The following SYTL5 variants were observed in gnomAD, a reference collection of about 807,000 sequenced individuals.
SYTL5 encodes the protein synaptotagmin-like protein 5.
In SYTL5, 34 loss-of-function variants were observed where a neutral mutation model predicts 55.9. The observed-to-expected ratio is 0.61, with a 90% CI of 0.46 to 0.81. SYTL5 has a LOEUF of 0.81. Among genes scored for constraint, SYTL5 ranks in the 30% least tolerant of loss-of-function variants. SYTL5 has a pLI of 0.00. For missense variants in SYTL5, 637 were observed against 546.7 expected, an observed-to-expected ratio of 1.17 and a Z score of -1.65; for synonymous variants, 221 against 188.7, an observed-to-expected ratio of 1.17 and a Z score of -1.40.
the SYTL5 span, among the ~76,000 whole-genome samples, chrX:37,948,302 T>C: frequency 9.0e-6 from 1 of 110,609 alleles, no homozygotes; most frequent in Non-Finnish European, 1.9e-5. Flanking sequence ...TATTAGTTGT[T>C]CTAGAATTTA....
At chrX:38,072,308 G>C (rs1423672042) in intron 4 of SYTL5, 146 bp downstream of exon 4, 1 of 415,819 alleles carries the variant, frequency 2.4e-6, no homozygotes, top group Non-Finnish European at 4.1e-6. Context: ...ATGAAATCTA[G>C]ATACGTAATT....
At chrX:37,895,437 C>CTTCCTTCCTTCCTTCT in the SYTL5 span, among the ~76,000 whole-genome samples, 2 of 94,367 alleles carry the variant, frequency 2.1e-5, no homozygotes, top group African/African-American at 1.0e-4. Flanking sequence ...TCCTTCCTTC[C>CTTCCTTCCTTCCTTCT]TTCCTTCCTT....
chrX:37,986,405 T>TAGAAC, the SYTL5 span, among the ~76,000 whole-genome samples: 6 of 111,180 alleles, frequency 5.4e-5, no homozygotes, highest in Non-Finnish European at 1.1e-4. Context: ...TACCGGTAAT[T>TAGAAC]AGAACAGAAC....
rs191155923 is a variant in SYTL5, at chrX:38,015,321, A to G, written c.-357+8653A>G. Among the ~76,000 whole-genome samples, 20 of 112,540 alleles carry G rather than the reference A, an allele frequency of 1.8e-4. 1 individual carries two copies. The highest frequency in any genetic ancestry group is 1.6e-3 in the Admixed American group (17 of 10,627). On this transcript the variant is annotated intron_variant, in intron 1 of 16. Transcript: ENST00000297875. ...CATTTGATATCTGAGGAATCCCACC[A>G]TTTCACATGAAAAAGTGCATGTGAC...
chrX:38,103,236 G>A (rs1024816241), intron 10 of SYTL5: 1 of 417,194 alleles, frequency 2.4e-6, no homozygotes. Context: ...CTAAAAGATT[G>A]ATGAGATGAT....
At chrX:38,094,500 T>G in intron 8 of SYTL5, 76 bp downstream of exon 8, 1 of 1,035,901 alleles carries the variant, frequency 9.7e-7, no homozygotes, top group East Asian at 3.1e-5. Context: ...TGTGTGGTAT[T>G]AAGTGGATGT....
chrX:38,052,847 G>C (rs773981398), intron 2 of SYTL5, among the ~76,000 whole-genome samples: 1 of 111,393 alleles, frequency 9.0e-6, no homozygotes, highest in African/African-American at 3.3e-5. Context: ...GAAGAGATTG[G>C]CTCAGTAGCA....
chrX:37,985,774 G>A, the SYTL5 span, among the ~76,000 whole-genome samples: 1 of 111,457 alleles, frequency 9.0e-6, no homozygotes, highest in African/African-American at 3.3e-5. Flanking sequence ...TATTTAAAAT[G>A]TATTACAAAG....
At chrX:38,072,547 C>A (rs910320888) in intron 4 of SYTL5, among the ~76,000 whole-genome samples, 1 of 112,068 alleles carries the variant, frequency 8.9e-6, no homozygotes, top group Non-Finnish European at 1.9e-5. Context: ...TTCCGATTTC[C>A]TTTCAATGTT....
intron 1 of SYTL5, among the ~76,000 whole-genome samples, chrX:38,028,116 G>A (rs746598020): frequency 2.4e-4 from 27 of 111,620 alleles, no homozygotes; most frequent in African/African-American, 7.8e-4. Context: ...GAGCCACTGC[G>A]CCCAGCCAAT....
the SYTL5 span, among the ~76,000 whole-genome samples, chrX:37,963,289 G>GTTT: frequency 1.2e-5 from 1 of 86,946 alleles, no homozygotes. Context: ...GTTTTTGTGG[G>GTTT]TTTTTTTTTT....
chrX:37,942,768 A>G, the SYTL5 span, among the ~76,000 whole-genome samples: 3 of 111,981 alleles, frequency 2.7e-5, no homozygotes, highest in East Asian at 2.8e-4. Context: ...AACCCAGCCC[A>G]GTACCACAAA....
intron 10 of SYTL5, among the ~76,000 whole-genome samples, chrX:38,103,743 T>C (rs1316804853): frequency 1.8e-5 from 2 of 111,039 alleles, no homozygotes; most frequent in Non-Finnish European, 3.8e-5. Context: ...ATTGCATCTC[T>C]CGGAACAGAT....
the SYTL5 span, among the ~76,000 whole-genome samples, chrX:37,928,612 A>G: frequency 9.0e-6 from 1 of 111,679 alleles, no homozygotes; most frequent in Non-Finnish European, 1.9e-5. Flanking sequence ...TTCTCTCTGG[A>G]TCTACCCAAG....
chrX:38,037,702 A>C (rs1203888112), intron 2 of SYTL5, among the ~76,000 whole-genome samples: 2 of 111,355 alleles, frequency 1.8e-5, no homozygotes, highest in African/African-American at 6.5e-5. Flanking sequence ...TTTATTATGA[A>C]TTTAAGTACA....
chrX:37,994,213 G>A, the SYTL5 span: 2 of 112,189 alleles, frequency 1.8e-5, no homozygotes, highest in African/African-American at 6.5e-5. Flanking sequence ...TGTCACAAAG[G>A]CAACTCCCTG....
chrX:37,910,774 A>T, the SYTL5 span, among the ~76,000 whole-genome samples: 3 of 111,698 alleles, frequency 2.7e-5, no homozygotes, highest in African/African-American at 9.8e-5. Flanking sequence ...CTGATTCCAT[A>T]GGTGTCGGGG....
chrX:37,933,253 G>T, the SYTL5 span, among the ~76,000 whole-genome samples: 1 of 111,329 alleles, frequency 9.0e-6, no homozygotes, highest in Non-Finnish European at 1.9e-5. Context: ...TTAACCAAAG[G>T]GTTGCGCTAA....
chrX:38,067,434 T>C (rs182847502), intron 3 of SYTL5, among the ~76,000 whole-genome samples: 1 of 111,559 alleles, frequency 9.0e-6, no homozygotes, highest in African/African-American at 3.2e-5. Context: ...TAGCAATTTT[T>C]AGTCACTGAA....
Sources: allele counts gnomAD v4.1 joint callset (sites outside exome capture counted in the v4.1 genomes callset), GRCh38; gene constraint gnomAD v4.1.1; transcripts MANE v1.5; gene names NCBI Gene and HGNC (gene_info 2026-07-23, HGNC 2026-07-21).